LRRFIP2: variants seen among roughly 807,000 people sequenced by gnomAD.
LRRFIP2 encodes LRR binding FLII interacting protein 2.
A neutral mutation model predicts 125.9 loss-of-function variants in LRRFIP2; 109 were observed. The observed-to-expected ratio is 0.87, with a 90% CI of 0.74 to 1.01. LRRFIP2 has a LOEUF of 1.01. LRRFIP2 is among the 50% of genes least tolerant of loss of function. The pLI, the probability that LRRFIP2 is intolerant of heterozygous loss-of-function variation, is 0.00. For missense variants in LRRFIP2, 850 were observed against 862.3 expected (o/e 0.99, Z 0.18); for synonymous variants, 291 against 293.1 (o/e 0.99, Z 0.07).
chr3:37,158,364 T>C (rs951773743), intron 1 of LRRFIP2, among the ~76,000 whole-genome samples: 1 of 152,122 alleles, frequency 6.6e-6, no homozygotes. Context: ...CCCAGCACTT[T>C]GGGAGGTCAA....
chr3:37,095,551 T>C (rs1445659767), intron 16 of LRRFIP2, among the ~76,000 whole-genome samples: 2 of 152,118 alleles, frequency 1.3e-5, no homozygotes, highest in East Asian at 1.9e-4. Context: ...AAATTGAGAG[T>C]TGCATATAGG....
At chr3:37,100,596 A>AT (rs1345937464) in intron 15 of LRRFIP2, among the ~76,000 whole-genome samples, 1 of 152,156 alleles carries the variant, frequency 6.6e-6, no homozygotes, top group East Asian at 1.9e-4. Context: ...GCAGGGGGAG[A>AT]TTTTTTAAAC....
intron 2 of LRRFIP2, among the ~76,000 whole-genome samples, chr3:37,140,738 T>G (rs2095675427): frequency 6.6e-6 from 1 of 151,892 alleles, no homozygotes; most frequent in Non-Finnish European, 1.5e-5. Context: ...CCCTTAATCT[T>G]CCTCTTCTTT....
intron 1 of LRRFIP2, 87 bp from the exon 2 acceptor site, chr3:37,149,125 T>C (rs1342820531): frequency 7.3e-6 from 8 of 1,099,234 alleles, no homozygotes; most frequent in East Asian, 2.7e-5. Flanking sequence ...ACAGAGAAAT[T>C]AGTCACCAAA....
At chr3:37,121,463 G>C in intron 6 of LRRFIP2, 29 bp downstream of exon 6, 1 of 1,604,412 alleles carries the variant, frequency 6.2e-7, no homozygotes, top group Non-Finnish European at 8.5e-7. Flanking sequence ...CGTAAGCTTT[G>C]TATTGTGTAG....
chr3:37,101,682 A>AAG (rs2094061565), intron 15 of LRRFIP2, among the ~76,000 whole-genome samples: 3 of 150,142 alleles, frequency 2.0e-5, no homozygotes, highest in Non-Finnish European at 3.0e-5. Context: ...AAAAAAAAAA[A>AAG]AAGAAGAAGA....
chr3:37,075,809 T>G (rs1316672373), intron 19 of LRRFIP2, among the ~76,000 whole-genome samples: 1 of 152,052 alleles, frequency 6.6e-6, no homozygotes, highest in Non-Finnish European at 1.5e-5. Flanking sequence ...TTATAAAGCT[T>G]CTATAATTAA....
At chr3:37,086,327 G>A (rs1474835185) in intron 18 of LRRFIP2, among the ~76,000 whole-genome samples, 1 of 152,202 alleles carries the variant, frequency 6.6e-6, no homozygotes, top group Non-Finnish European at 1.5e-5. Flanking sequence ...TCCTCAAAAT[G>A]TTAAATATAG....
At chr3:37,125,356 T>C (rs1001234064) in intron 4 of LRRFIP2, among the ~76,000 whole-genome samples, 2 of 152,154 alleles carry the variant, frequency 1.3e-5, no homozygotes, top group Non-Finnish European at 2.9e-5. Context: ...AGTTTAAAAA[T>C]AGAATCATTG....
chr3:37,096,571 GTTTAAT>G, intron 16 of LRRFIP2, 39 bp downstream of exon 16: 6 of 1,224,224 alleles, frequency 4.9e-6, no homozygotes, highest in Non-Finnish European at 7.1e-6. Flanking sequence ...CAGATAGCAA[GTTTAAT>G]TGACCTTGAG....
chr3:37,063,594 G>A, intron 24 of LRRFIP2, 148 bp downstream of exon 24: 1 of 681,598 alleles, frequency 1.5e-6, no homozygotes, highest in East Asian at 2.5e-5. Context: ...TAACAAAGAG[G>A]TAAAATATGA....
chr3:37,105,328 A>G (rs2149361162), intron 14 of LRRFIP2, 127 bp downstream of exon 14: 3 of 727,126 alleles, frequency 4.1e-6, no homozygotes, highest in South Asian at 3.4e-5. Flanking sequence ...AAATATTTAT[A>G]TAACTAAATT....
intron 15 of LRRFIP2, among the ~76,000 whole-genome samples, chr3:37,099,529 T>A (rs1469854570): frequency 1.3e-5 from 2 of 152,204 alleles, no homozygotes; most frequent in East Asian, 3.8e-4. Context: ...TATACTAACT[T>A]GATAATGCTA....
chr3:37,139,197 A>G (rs770145927), intron 2 of LRRFIP2, among the ~76,000 whole-genome samples: 14 of 152,248 alleles, frequency 9.2e-5, no homozygotes, highest in Non-Finnish European at 1.6e-4. Context: ...TAATATTTTC[A>G]AACTGTGGTC....
Position 37,108,139 on chromosome 3 carries a change from T to C in LRRFIP2, c.658-10A>G, listed in dbSNP as rs747803059. Reference sequence around the variant, plus strand: ...AACTGCATTCAGATGGCTATAAAGTTTCCAAGAAGAAAGGTTTTACAACAA... The same window carrying C: ...AACTGCATTCAGATGGCTATAAAGTCTCCAAGAAGAAAGGTTTTACAACAA... On this transcript the variant is annotated splice_polypyrimidine_tract_variant and intron_variant, in intron 12 of 27. Transcript: ENST00000336686. 3 of 1,610,884 alleles carry C rather than the reference T, an allele frequency of 1.9e-6. No homozygotes were observed. In the Admixed American group the frequency reaches 5.0e-5, roughly 27 times the overall value.
Position 37,129,053 on chromosome 3 carries a change from C to G in LRRFIP2, c.177+10G>C. The G allele has an allele frequency of 6.2e-7, 1 of 1,612,696 alleles. No homozygotes were observed. The highest frequency in any genetic ancestry group is 8.5e-7 in the Non-Finnish European group (1 of 1,178,744). On this transcript the variant is annotated intron_variant, in intron 3 of 27. Coordinates refer to ENST00000336686, the MANE Select transcript of LRRFIP2 (RefSeq NM_006309.4). ...ACAAATATGAAATTAGGGTTATTCC[C>G]TCAAATTACCTCTTTTTGTTGTCGT...
At chr3:37,094,339 T>C (rs1293165316) in intron 17 of LRRFIP2, among the ~76,000 whole-genome samples, 3 of 152,228 alleles carry the variant, frequency 2.0e-5, no homozygotes, top group Admixed American at 6.5e-5. Flanking sequence ...TCTCAGGTAT[T>C]TCTGTTACCC....
rs573119725 is a variant in LRRFIP2, at chr3:37,166,709, A to G, written c.-56+7830T>C. On this transcript the variant is annotated intron_variant, in intron 1 of 27. Transcript: ENST00000336686. Reference sequence around the variant, plus strand: ...AGAGTTGGAGACCAGCCTGGGCAACATGTCTCTACAAAATATAAAAAAAAA... The same window carrying G: ...AGAGTTGGAGACCAGCCTGGGCAACGTGTCTCTACAAAATATAAAAAAAAA... Among the ~76,000 whole-genome samples, 205 of 144,434 alleles carry G rather than the reference A, an allele frequency of 1.4e-3. 3 individuals are homozygous for G. The highest frequency in any genetic ancestry group is 4.9e-3 in the African/African-American group (194 of 39,692). 94.8% of individuals were successfully genotyped at this position (144,434 alleles called of 152,430 possible). A position where few individuals can be genotyped will look rare whatever the true frequency, so the allele number is the denominator to read the frequency against.
At chr3:37,083,220 A>G (rs1259747464) in intron 19 of LRRFIP2, among the ~76,000 whole-genome samples, 1 of 152,194 alleles carries the variant, frequency 6.6e-6, no homozygotes, top group Admixed American at 6.6e-5. Flanking sequence ...CTTCTATCCA[A>G]TTATTTAGAA....
Sources: gnomAD v4.1 joint callset for allele counts (sites outside exome capture counted in the v4.1 genomes callset) on GRCh38, gnomAD v4.1.1 for gene constraint, MANE v1.5 for transcripts, NCBI Gene and HGNC (gene_info 2026-07-23, HGNC 2026-07-21) for gene names.